Variants in ZCWPW2 observed in about 807,000 individuals in gnomAD.
The protein encoded by ZCWPW2 is zinc finger CW-type PWWP domain protein 2.
ZCWPW2 carries 45 observed loss-of-function variants against 46.6 expected under a neutral mutation model. The observed-to-expected ratio is 0.96, with a 90% CI of 0.76 to 1.24. ZCWPW2 has a LOEUF of 1.24. ZCWPW2 is among the 50% of genes most tolerant of loss of function. ZCWPW2 has a pLI of 0.00. For missense variants in ZCWPW2, 429 were observed against 403.9 expected, an observed-to-expected ratio of 1.06 and a Z score of -0.53; for synonymous variants, 152 against 137.1, an observed-to-expected ratio of 1.11 and a Z score of -0.76.
intron 8 of ZCWPW2, 56 bp downstream of exon 8, chr3:28,515,677 A>G: frequency 6.8e-7 from 1 of 1,465,224 alleles, no homozygotes; most frequent in Non-Finnish European, 9.4e-7. Flanking sequence ...ATTCCACAGA[A>G]TGTAGTTGTA....
chr3:28,423,495 T>C (rs528331038), intron 3 of ZCWPW2, among the ~76,000 whole-genome samples: 75 of 151,268 alleles, frequency 5.0e-4, no homozygotes, highest in African/African-American at 1.6e-3. Flanking sequence ...GCCTCCCGAG[T>C]AGCTGGGACT....
At chr3:28,507,240 G>A (rs2125828744) in intron 6 of ZCWPW2, among the ~76,000 whole-genome samples, 1 of 152,252 alleles carries the variant, frequency 6.6e-6, no homozygotes, top group African/African-American at 2.4e-5. Flanking sequence ...TAACAAAGTA[G>A]AAAAAGAATT....
chr3:28,439,831 A>G (rs1055754154), intron 4 of ZCWPW2, among the ~76,000 whole-genome samples: 53 of 152,232 alleles, frequency 3.5e-4, no homozygotes, highest in African/African-American at 1.2e-3. Flanking sequence ...ATGAACGAAC[A>G]TGTTTTTAAC....
intron 6 of ZCWPW2, among the ~76,000 whole-genome samples, chr3:28,503,662 A>C (rs777595674): frequency 6.6e-6 from 1 of 151,816 alleles, no homozygotes; most frequent in Admixed American, 6.6e-5. Context: ...CAAAGGGGAG[A>C]GATATCACTG....
chr3:28,454,192 T>C (rs1387897868), intron 4 of ZCWPW2, among the ~76,000 whole-genome samples: 3 of 152,216 alleles, frequency 2.0e-5, no homozygotes, highest in African/African-American at 7.2e-5. Context: ...TTTCCTTTCA[T>C]TAATTCTTCC....
At position 28,348,838 on chromosome 3, in the gene ZCWPW2, C is replaced by G. The variant is rs924935511; in HGVS notation, c.-499C>G. ...TTCTGGAAGGAGGGACGAGCCGAGG[C>G]AGGAGGGGCCGGGCCGACGCGAGAG... On this transcript the variant is annotated 5_prime_UTR_variant, in exon 1 of 10. Coordinates refer to ENST00000383768, the MANE Select transcript of ZCWPW2 (RefSeq NM_001040432.4). 1.8e-5 allele frequency: 10 copies of G among 541,000 alleles called. No homozygotes were observed. In the African/African-American group the frequency reaches 2.1e-4, roughly 11 times the overall value. The allele number at this position is 541,000 out of a possible 1,614,324, so 33.5% of individuals were successfully genotyped here.
chr3:28,430,451 T>G (rs1697210155), intron 3 of ZCWPW2, among the ~76,000 whole-genome samples: 1 of 152,340 alleles, frequency 6.6e-6, no homozygotes, highest in African/African-American at 2.4e-5. Context: ...TTTCACAGGC[T>G]TATAGACAGA....
chr3:28,387,715 CAAAAT>C (rs527567855), intron 1 of ZCWPW2, among the ~76,000 whole-genome samples: 295 of 152,206 alleles, frequency 1.9e-3, no homozygotes, highest in African/African-American at 6.6e-3. Flanking sequence ...ATAGGAAACT[CAAAAT>C]AAAAGCTGTC....
chr3:28,392,472 C>T (rs1409059150), intron 2 of ZCWPW2, among the ~76,000 whole-genome samples: 2 of 152,118 alleles, frequency 1.3e-5, no homozygotes, highest in African/African-American at 4.8e-5. Flanking sequence ...ATGGACCTAA[C>T]AGAAATGTAG....
chr3:28,516,302 T>G (rs926602881), intron 8 of ZCWPW2, among the ~76,000 whole-genome samples: 9 of 140,642 alleles, frequency 6.4e-5, no homozygotes, highest in South Asian at 2.3e-4. Context: ...AATAAATAAA[T>G]AAAGCACCAG....
intron 8 of ZCWPW2, among the ~76,000 whole-genome samples, chr3:28,520,229 T>A (rs1012854028): frequency 4.0e-5 from 6 of 151,898 alleles, no homozygotes. Flanking sequence ...ATGGTCTCAA[T>A]CTCCTGACCT....
At chr3:28,379,165 A>G (rs1025225964) in intron 1 of ZCWPW2, among the ~76,000 whole-genome samples, 16 of 152,168 alleles carry the variant, frequency 1.1e-4, no homozygotes, top group Non-Finnish European at 2.4e-4. Context: ...GAACAAAGAA[A>G]ATAGAATCAA....
At chr3:28,466,488 G>C (rs1188185947) in intron 4 of ZCWPW2, among the ~76,000 whole-genome samples, 1 of 152,160 alleles carries the variant, frequency 6.6e-6, no homozygotes, top group African/African-American at 2.4e-5. Context: ...ACTTCAAAAT[G>C]CTGCTAAGAA....
chr3:28,485,324 G>C (rs1699561897), intron 5 of ZCWPW2, among the ~76,000 whole-genome samples: 2 of 151,982 alleles, frequency 1.3e-5, no homozygotes, highest in South Asian at 4.2e-4. Context: ...CCAGGATGTG[G>C]TCTTTTTTTC....
At chr3:28,371,628 T>G (rs889894638) in intron 1 of ZCWPW2, among the ~76,000 whole-genome samples, 5 of 152,022 alleles carry the variant, frequency 3.3e-5, no homozygotes, top group African/African-American at 4.8e-5. Context: ...CACTGCAGTC[T>G]AGCCTGGGCA....
intron 6 of ZCWPW2, chr3:28,511,114 G>A: frequency 2.2e-6 from 1 of 451,682 alleles, no homozygotes; most frequent in African/African-American, 2.0e-5. Flanking sequence ...ACTGGAGAGA[G>A]AAGAGGGGAA....
At chr3:28,461,023 TTAAAG>T (rs1228945109) in intron 4 of ZCWPW2, 3 of 262,686 alleles carry the variant, frequency 1.1e-5, no homozygotes, top group Non-Finnish European at 2.6e-5. Context: ...AAGAAATAAT[TTAAAG>T]TAATGATCAA....
chr3:28,432,333 G>A (rs1697293663), intron 3 of ZCWPW2, among the ~76,000 whole-genome samples: 1 of 152,144 alleles, frequency 6.6e-6, no homozygotes, highest in African/African-American at 2.4e-5. Context: ...AAAGGTAGAG[G>A]GGTACAGGAT....
intron 2 of ZCWPW2, among the ~76,000 whole-genome samples, chr3:28,395,173 A>T (rs1318473050): frequency 6.6e-6 from 1 of 152,132 alleles, no homozygotes; most frequent in African/African-American, 2.4e-5. Context: ...TTCAACATCA[A>T]TAATCATCAG....
Sources: allele counts gnomAD v4.1 joint callset (sites outside exome capture counted in the v4.1 genomes callset), GRCh38; gene constraint gnomAD v4.1.1; transcripts MANE v1.5; gene names NCBI Gene and HGNC (gene_info 2026-07-23, HGNC 2026-07-21).